Variants in LGSN observed in about 807,000 individuals in gnomAD.
The protein encoded by LGSN is lengsin.
Under a neutral mutation model 19.5 loss-of-function variants are expected in LGSN, and 21 were observed. The ratio of observed to expected loss-of-function variants is 1.07; its 90% CI spans 0.76 to 1.55. The LOEUF is 1.55. Ranked by LOEUF, LGSN falls within the 40% of genes most tolerant of loss-of-function variation. The probability of loss-of-function intolerance (pLI) is 0.00; values close to 1 mark genes in which losing one functional copy is unlikely to be tolerated. For missense variants in LGSN, 673 were observed against 608.5 expected (o/e 1.11, Z -1.12); for synonymous variants, 257 against 215.6 (o/e 1.19, Z -1.68).
chr6:63,433,699 C>T, the LGSN span, among the ~76,000 whole-genome samples: 2 of 152,206 alleles, frequency 1.3e-5, no homozygotes, highest in Non-Finnish European at 2.9e-5. Flanking sequence ...AACACTCTCT[C>T]TTCAAAGTAA....
At chr6:63,459,629 A>C in the LGSN span, among the ~76,000 whole-genome samples, 81,585 of 151,610 alleles carry the variant, frequency 0.54, 22,255 homozygotes, top group Middle Eastern at 0.57. Flanking sequence ...TTGAAGTAGA[A>C]CTTCCTTTCA....
chr6:63,304,327 T>C (rs1026633622), intron 1 of LGSN, among the ~76,000 whole-genome samples: 2 of 152,186 alleles, frequency 1.3e-5, no homozygotes, highest in Non-Finnish European at 2.9e-5. Flanking sequence ...AATGAGGTAA[T>C]GATTAGAAAT....
chr6:63,425,651 G>A, the LGSN span, among the ~76,000 whole-genome samples: 2 of 152,188 alleles, frequency 1.3e-5, no homozygotes, highest in African/African-American at 4.8e-5. Flanking sequence ...ATACATAAAA[G>A]GCAACACAAG....
chr6:63,556,526 G>A, the LGSN span, among the ~76,000 whole-genome samples: 2 of 152,114 alleles, frequency 1.3e-5, no homozygotes, highest in African/African-American at 4.8e-5. Flanking sequence ...CCCTAGGTGT[G>A]CCTTGTTAGG....
At chr6:63,567,085 T>C in the LGSN span, among the ~76,000 whole-genome samples, 1 of 152,190 alleles carries the variant, frequency 6.6e-6, no homozygotes, top group Non-Finnish European at 1.5e-5. Flanking sequence ...TTCACCATAT[T>C]TGTAGTGATT....
the LGSN span, chr6:63,549,179 C>A: frequency 2.9e-6 from 2 of 686,582 alleles, no homozygotes; most frequent in African/African-American, 3.6e-5. Context: ...GCCTCTGTTT[C>A]TTCTCTTGCT....
At chr6:63,481,472 AGCT>A in the LGSN span, among the ~76,000 whole-genome samples, 1 of 151,364 alleles carries the variant, frequency 6.6e-6, no homozygotes, top group African/African-American at 2.4e-5. Context: ...CCTCCCGAGT[AGCT>A]GGGGCTACAG....
At chr6:63,326,473 G>A in the LGSN span, among the ~76,000 whole-genome samples, 8 of 152,214 alleles carry the variant, frequency 5.3e-5, no homozygotes, top group East Asian at 5.8e-4. Context: ...TTGGGTGGTC[G>A]ATGGGACTGG....
At chr6:63,295,136 T>G in intron 1 of LGSN, 91 bp from the exon 2 acceptor site, 2 of 1,180,336 alleles carry the variant, frequency 1.7e-6, no homozygotes, top group Non-Finnish European at 2.5e-6. Flanking sequence ...ATAGCTCAAT[T>G]TTTTAATGAG....
At chr6:63,439,831 C>T in the LGSN span, among the ~76,000 whole-genome samples, 1 of 152,200 alleles carries the variant, frequency 6.6e-6, no homozygotes, top group African/African-American at 2.4e-5. Context: ...ATTCAGATAT[C>T]GAACCTTCTC....
chr6:63,414,354 T>C, the LGSN span, among the ~76,000 whole-genome samples: 4 of 152,166 alleles, frequency 2.6e-5, no homozygotes, highest in African/African-American at 7.2e-5. Flanking sequence ...TGTCGTTCAA[T>C]AAGTATAAAG....
chr6:63,560,495 C>T, the LGSN span, among the ~76,000 whole-genome samples: 5 of 151,038 alleles, frequency 3.3e-5, no homozygotes, highest in East Asian at 3.9e-4. Flanking sequence ...CTCTGCCTCC[C>T]GAGTTCAAGT....
At chr6:63,350,373 T>C in the LGSN span, among the ~76,000 whole-genome samples, 1 of 152,262 alleles carries the variant, frequency 6.6e-6, no homozygotes, top group African/African-American at 2.4e-5. Context: ...GAAAATATTT[T>C]ACAGATTTGT....
chr6:63,533,369 A>G, the LGSN span, among the ~76,000 whole-genome samples: 1 of 152,294 alleles, frequency 6.6e-6, no homozygotes, highest in South Asian at 2.1e-4. Context: ...GCCACAGAGC[A>G]AGACTGTTTC....
chr6:63,557,948 G>A, the LGSN span, among the ~76,000 whole-genome samples: 2 of 151,870 alleles, frequency 1.3e-5, no homozygotes, highest in African/African-American at 4.8e-5. Context: ...GGAGTGCAGG[G>A]GTGCGATCTC....
At chr6:63,297,102 G>C (rs1471055210) in intron 1 of LGSN, among the ~76,000 whole-genome samples, 1 of 152,044 alleles carries the variant, frequency 6.6e-6, no homozygotes, top group Non-Finnish European at 1.5e-5. Flanking sequence ...AGCACTTTGA[G>C]AGGCCAAGGC....
the LGSN span, among the ~76,000 whole-genome samples, chr6:63,412,400 AAAGAAAGAAAGAAAG>A: frequency 3.0e-5 from 4 of 133,078 alleles, no homozygotes; most frequent in African/African-American, 1.1e-4. Context: ...TGAAAGAAGG[AAAGAAAGAAAGAAAG>A]AAGAAAGAAA....
the LGSN span, among the ~76,000 whole-genome samples, chr6:63,450,826 T>C: frequency 1.3e-5 from 2 of 151,768 alleles, no homozygotes; most frequent in African/African-American, 4.8e-5. Flanking sequence ...GTGCACGCCA[T>C]CACACCTGGC....
intron 2 of LGSN, among the ~76,000 whole-genome samples, chr6:63,292,146 A>G (rs1767797360): frequency 1.3e-5 from 2 of 152,204 alleles, no homozygotes; most frequent in Non-Finnish European, 2.9e-5. Flanking sequence ...ATCTGAATGA[A>G]CTTGTAAATG....
Sources: allele counts gnomAD v4.1 joint callset (sites outside exome capture counted in the v4.1 genomes callset), GRCh38; gene constraint gnomAD v4.1.1; transcripts MANE v1.5; gene names NCBI Gene and HGNC (gene_info 2026-07-23, HGNC 2026-07-21).